CNTNAP2: variants seen among roughly 807,000 people sequenced by gnomAD.
CNTNAP2 encodes the protein contactin-associated protein-like 2.
A neutral mutation model predicts 155.2 loss-of-function variants in CNTNAP2; 98 were observed. The observed-to-expected ratio is 0.63, with a 90% CI of 0.54 to 0.75. The LOEUF is 0.75. Ranked by LOEUF, CNTNAP2 falls within the 30% of genes least tolerant of loss-of-function variation. The probability of loss-of-function intolerance (pLI) is 0.00; values close to 1 mark genes in which losing one functional copy is unlikely to be tolerated. For synonymous variants in CNTNAP2, 651 were observed against 631.2 expected (o/e 1.03, Z -0.47); for missense variants, 1,727 against 1,688.1 (o/e 1.02, Z -0.40).
intron 3 of CNTNAP2, among the ~76,000 whole-genome samples, chr7:147,033,160 GTATATA>G (rs3081742): frequency 0.035 from 3,141 of 90,312 alleles, 66 homozygotes; most frequent in African/African-American, 0.068. Context: ...ATATATATAT[GTATATA>G]TATATATATA....
intron 1 of CNTNAP2, among the ~76,000 whole-genome samples, chr7:146,457,214 A>G (rs749776673): frequency 7.2e-5 from 11 of 151,726 alleles, no homozygotes; most frequent in Non-Finnish European, 1.5e-4. Flanking sequence ...ACGTATTTTT[A>G]GAAGTGTTGA....
At chr7:147,973,307 G>T (rs1177141900) in intron 14 of CNTNAP2, among the ~76,000 whole-genome samples, 2 of 152,046 alleles carry the variant, frequency 1.3e-5, no homozygotes, top group Non-Finnish European at 2.9e-5. Context: ...CATTGCTTGT[G>T]GCTTTCCATT....
chr7:148,152,783 G>C (rs1232620585), intron 17 of CNTNAP2, among the ~76,000 whole-genome samples: 1 of 152,086 alleles, frequency 6.6e-6, no homozygotes, highest in Non-Finnish European at 1.5e-5. Flanking sequence ...CACTTTGGGA[G>C]GCCGAGATGG....
intron 8 of CNTNAP2, among the ~76,000 whole-genome samples, chr7:147,268,536 G>A (rs755417934): frequency 1.4e-4 from 22 of 152,104 alleles, no homozygotes; most frequent in African/African-American, 3.1e-4. Flanking sequence ...GGGAGGGATC[G>A]CGTAAGGAGA....
intron 3 of CNTNAP2, among the ~76,000 whole-genome samples, chr7:146,856,285 G>C (rs62481428): frequency 8.8e-4 from 69 of 78,196 alleles, no homozygotes; most frequent in African/African-American, 1.7e-3. Flanking sequence ...TAGATAGATA[G>C]ATAGATAGAT....
chr7:148,350,725 C>T (rs116537205), intron 21 of CNTNAP2, among the ~76,000 whole-genome samples: 3,485 of 152,278 alleles, frequency 0.023, 44 homozygotes, highest in African/African-American at 0.043. Flanking sequence ...TCATATATTT[C>T]GTGGTTTCAT....
At chr7:147,791,749 C>T (rs1797823352) in intron 13 of CNTNAP2, among the ~76,000 whole-genome samples, 1 of 152,062 alleles carries the variant, frequency 6.6e-6, no homozygotes, top group Admixed American at 6.6e-5. Context: ...TTGTGGGTTT[C>T]CTCTGTACTC....
intron 1 of CNTNAP2, among the ~76,000 whole-genome samples, chr7:146,344,093 T>A (rs753117095): frequency 1.3e-5 from 2 of 152,206 alleles, no homozygotes; most frequent in Non-Finnish European, 2.9e-5. Context: ...TGAAAAGCAG[T>A]GTTTTCCTGC....
chr7:148,050,640 A>T (rs556716338), intron 15 of CNTNAP2, among the ~76,000 whole-genome samples: 1 of 152,204 alleles, frequency 6.6e-6, no homozygotes, highest in Non-Finnish European at 1.5e-5. Context: ...TTAAGTCAAC[A>T]TTAGTGTACA....
chr7:146,991,711 G>A (rs10274942), intron 3 of CNTNAP2, among the ~76,000 whole-genome samples: 46,167 of 151,962 alleles, frequency 0.3, 7,186 homozygotes, highest in South Asian at 0.33. Flanking sequence ...AATTTTGCTC[G>A]TGGAAACAAT....
intron 3 of CNTNAP2, among the ~76,000 whole-genome samples, chr7:146,992,060 C>T (rs1798218486): frequency 1.3e-5 from 2 of 152,148 alleles, no homozygotes; most frequent in African/African-American, 4.8e-5. Flanking sequence ...TATATACACA[C>T]ACATCTCCCT....
chr7:146,963,844 C>G (rs1797604171), intron 3 of CNTNAP2, among the ~76,000 whole-genome samples: 1 of 152,114 alleles, frequency 6.6e-6, no homozygotes, highest in South Asian at 2.1e-4. Flanking sequence ...TTAAATGGCT[C>G]AACACTGTAG....
chr7:146,609,288 C>T (rs537142382), intron 1 of CNTNAP2, among the ~76,000 whole-genome samples: 1 of 152,152 alleles, frequency 6.6e-6, no homozygotes, highest in Admixed American at 6.5e-5. Context: ...TTTGCACCCA[C>T]CCCATAGCTG....
intron 10 of CNTNAP2, among the ~76,000 whole-genome samples, chr7:147,397,489 G>A (rs1796838943): frequency 6.6e-6 from 1 of 151,884 alleles, no homozygotes; most frequent in South Asian, 2.1e-4. Context: ...CTTTCAGCTT[G>A]GTAAAAGGGC....
At chr7:148,074,872 A>G (rs1436983323) in intron 15 of CNTNAP2, among the ~76,000 whole-genome samples, 6 of 152,246 alleles carry the variant, frequency 3.9e-5, no homozygotes, top group African/African-American at 1.2e-4. Context: ...GCAGAGAAAC[A>G]TTCTTATTTT....
chr7:147,900,765 T>C (rs1166234172), intron 13 of CNTNAP2, among the ~76,000 whole-genome samples: 1 of 152,114 alleles, frequency 6.6e-6, no homozygotes. Flanking sequence ...TAGAGGCGCC[T>C]GCCACTGTGG....
At position 147,096,899 on chromosome 7, in the gene CNTNAP2, A is replaced by G. The variant is rs1340241044; in HGVS notation, c.551-11248A>G. ...TACTGTTTTTAGTGTTTTACCAGAC[A>G]GGACCTAACTGCTCTAGCAAAGAGG... On this transcript the variant is annotated intron_variant, in intron 4 of 23. Transcript: ENST00000361727. Among the ~76,000 whole-genome samples, 3 of 152,218 alleles carry G rather than the reference A, an allele frequency of 2.0e-5. No homozygotes were observed. The East Asian group carries it at 5.8e-4, about 29-fold the overall frequency.
intron 13 of CNTNAP2, among the ~76,000 whole-genome samples, chr7:147,839,939 T>TACACACACACACACACACACAC (rs376480999): frequency 2.6e-4 from 39 of 149,746 alleles, no homozygotes; most frequent in African/African-American, 8.9e-4. Flanking sequence ...TATATATGTA[T>TACACACACACACACACACACAC]ACACACACAC....
At chr7:147,091,236 C>T (rs1210850159) in intron 4 of CNTNAP2, among the ~76,000 whole-genome samples, 1 of 152,038 alleles carries the variant, frequency 6.6e-6, no homozygotes, top group African/African-American at 2.4e-5. Flanking sequence ...AGATCCTGAT[C>T]TCTGGGCTCA....
Sources: allele counts gnomAD v4.1 joint callset (sites outside exome capture counted in the v4.1 genomes callset), GRCh38; gene constraint gnomAD v4.1.1; transcripts MANE v1.5; gene names NCBI Gene and HGNC (gene_info 2026-07-23, HGNC 2026-07-21).